HECW1: variants seen among roughly 807,000 people sequenced by gnomAD.
The protein encoded by HECW1 is E3 ubiquitin-protein ligase HECW1.
A neutral mutation model predicts 182.3 loss-of-function variants in HECW1; 61 were observed. The ratio of observed to expected loss-of-function variants is 0.33; its 90% confidence interval spans 0.27 to 0.41. The LOEUF is 0.41. HECW1 is among the 10% of genes least tolerant of loss of function. The pLI, the probability that HECW1 is intolerant of heterozygous loss-of-function variation, is 1.00. For synonymous variants in HECW1, 859 were observed against 832.6 expected, an observed-to-expected ratio of 1.03 and a Z score of -0.55; for missense variants, 1,739 against 2,108.9, an observed-to-expected ratio of 0.82 and a Z score of 3.44.
chr7:43,235,517 C>T (rs1280047232), intron 2 of HECW1, among the ~76,000 whole-genome samples: 1 of 152,130 alleles, frequency 6.6e-6, no homozygotes, highest in Non-Finnish European at 1.5e-5. Context: ...ACATGGACTA[C>T]CAAGCAGCCA....
intron 5 of HECW1, among the ~76,000 whole-genome samples, chr7:43,355,331 G>T (rs944767989): frequency 3.3e-5 from 5 of 152,118 alleles, no homozygotes; most frequent in African/African-American, 9.7e-5. Context: ...ATCTCTAGTA[G>T]GAAGCCCAAA....
chr7:43,335,819 A>G (rs1156935830), intron 5 of HECW1, among the ~76,000 whole-genome samples: 1 of 77,376 alleles, frequency 1.3e-5, no homozygotes, highest in Admixed American at 1.6e-4. Flanking sequence ...CCTTTTCTTC[A>G]TTTTTCCTCT....
At chr7:43,401,671 G>A (rs1472407014) in intron 7 of HECW1, among the ~76,000 whole-genome samples, 1 of 144,294 alleles carries the variant, frequency 6.9e-6, no homozygotes, top group Non-Finnish European at 1.5e-5. Context: ...TCTCAGACTT[G>A]TCTTCTGAGA....
chr7:43,513,284 C>A (rs1172422160), intron 24 of HECW1, among the ~76,000 whole-genome samples: 2 of 152,218 alleles, frequency 1.3e-5, no homozygotes, highest in African/African-American at 4.8e-5. Flanking sequence ...TCTTTACACT[C>A]TGGGACTCTG....
At chr7:43,362,255 A>G (rs1393337812) in intron 6 of HECW1, among the ~76,000 whole-genome samples, 2 of 152,208 alleles carry the variant, frequency 1.3e-5, no homozygotes, top group Non-Finnish European at 2.9e-5. Context: ...GTTCTGCAGC[A>G]TCCTGAAGAT....
chr7:43,316,564 C>G (rs1220614439), intron 4 of HECW1, among the ~76,000 whole-genome samples: 1 of 151,974 alleles, frequency 6.6e-6, no homozygotes, highest in Non-Finnish European at 1.5e-5. Flanking sequence ...AAATAAACTG[C>G]CTAAGATCAC....
At chr7:43,425,230 C>CAT (rs920185184) in intron 8 of HECW1, among the ~76,000 whole-genome samples, 5 of 151,696 alleles carry the variant, frequency 3.3e-5, no homozygotes, top group African/African-American at 1.2e-4. Flanking sequence ...GACACTCACA[C>CAT]ACACACACAC....
At chr7:43,168,604 A>G (rs1337054215) in intron 2 of HECW1, among the ~76,000 whole-genome samples, 1 of 152,088 alleles carries the variant, frequency 6.6e-6, no homozygotes, top group African/African-American at 2.4e-5. Flanking sequence ...AGGCTGCAGT[A>G]AGCTGTGATT....
Position 43,565,671 on chromosome 7 carries a change from C to G in HECW1, c.*3745C>G, listed in dbSNP as rs1353441553. On this transcript the variant is annotated 3_prime_UTR_variant, in exon 30 of 30. Coordinates refer to ENST00000395891, the MANE Select transcript of HECW1 (RefSeq NM_015052.5). ...AAAAATCTGGGATGGATGTTCCAGC[C>G]ATCATAAGGTCCAAAAGAAAAGAGA... is the stretch of plus-strand genomic sequence containing the variant. 5.5e-6 allele frequency: 1 copy of G among 180,306 alleles called. No individual in the cohort carries two copies. The highest frequency in any genetic ancestry group is 6.4e-5 in the Admixed American group (1 of 15,628). 11.2% of individuals were successfully genotyped at this position (180,306 alleles called of 1,614,324 possible).
At chr7:43,329,142 G>T (rs560226254) in intron 5 of HECW1, among the ~76,000 whole-genome samples, 1 of 143,280 alleles carries the variant, frequency 7.0e-6, no homozygotes, top group Non-Finnish European at 1.6e-5. Context: ...CAGGAACTCG[G>T]CCAGTTGGGA....
intron 6 of HECW1, among the ~76,000 whole-genome samples, chr7:43,371,655 G>A (rs2074108670): frequency 6.6e-6 from 1 of 152,004 alleles, no homozygotes; most frequent in African/African-American, 2.4e-5. Context: ...AAGCTATTTG[G>A]GATATATAGA....
At chr7:43,425,307 T>TAGATAGAC (rs2076326597) in intron 8 of HECW1, among the ~76,000 whole-genome samples, 1 of 137,248 alleles carries the variant, frequency 7.3e-6, no homozygotes, top group Non-Finnish European at 1.6e-5. Context: ...AGATAGATGA[T>TAGATAGAC]AGATAGATAG....
At chr7:43,205,178 G>A (rs1229991893) in intron 2 of HECW1, among the ~76,000 whole-genome samples, 1 of 151,844 alleles carries the variant, frequency 6.6e-6, no homozygotes, top group East Asian at 1.9e-4. Context: ...TCACCTCTTG[G>A]GTTCAAGAGA....
rs138433807 is a variant in HECW1 at position 43,178,737 on chromosome 7, C to T, written c.-32+64346C>T. Among the ~76,000 whole-genome samples, 15 of 152,308 alleles carry T rather than the reference C, an allele frequency of 9.8e-5. No individual in the cohort carries two copies. In the East Asian group the frequency reaches 2.7e-3, roughly 27 times the overall value. On this transcript the variant is annotated intron_variant, in intron 2 of 29. Coordinates refer to ENST00000395891, the MANE Select transcript of HECW1 (RefSeq NM_015052.5). ...CAAGGTGCCACAGCTAGAGGTTGGG[C>T]AGCAAGGGGGACTGTATGCTTTGAA...
intron 24 of HECW1, among the ~76,000 whole-genome samples, chr7:43,532,562 A>G (rs79250198): frequency 0.053 from 7,999 of 151,912 alleles, 528 homozygotes; most frequent in African/African-American, 0.15. Context: ...CTCTCTCTGG[A>G]GTCCACCCCC....
chr7:43,387,852 G>A (rs781316423), intron 6 of HECW1, among the ~76,000 whole-genome samples: 1 of 152,120 alleles, frequency 6.6e-6, no homozygotes, highest in Non-Finnish European at 1.5e-5. Flanking sequence ...TATAAAGTAA[G>A]GAATCAGATA....
Position 43,564,853 on chromosome 7 carries a change from A to G in HECW1, c.*2927A>G, listed in dbSNP as rs1425262901. The G allele has an allele frequency of 1.6e-5, 3 of 184,038 alleles. No homozygotes were observed. The highest frequency in any genetic ancestry group is 3.5e-5 in the Non-Finnish European group (3 of 86,762). 11.4% of individuals were successfully genotyped at this position (184,038 alleles called of 1,614,324 possible). ...CACCTTAAATTATATAGTTCGGCAG[A>G]AAGACAGATCTATTTGTTACCACCT... On this transcript the variant is annotated 3_prime_UTR_variant, in exon 30 of 30. Transcript: ENST00000395891.
intron 3 of HECW1, among the ~76,000 whole-genome samples, chr7:43,296,009 A>T (rs1029619675): frequency 2.6e-5 from 4 of 152,196 alleles, no homozygotes; most frequent in Admixed American, 2.6e-4. Flanking sequence ...AATGGAGAAA[A>T]ATTAAAGAAA....
chr7:43,395,143 A>G (rs993330975), intron 6 of HECW1, among the ~76,000 whole-genome samples: 20 of 152,150 alleles, frequency 1.3e-4, no homozygotes, highest in African/African-American at 4.8e-4. Flanking sequence ...AGAATCTTGT[A>G]GCCTCCAGCT....
Sources: gnomAD v4.1 joint callset for allele counts (sites outside exome capture counted in the v4.1 genomes callset) on GRCh38, gnomAD v4.1.1 for gene constraint, MANE v1.5 for transcripts, NCBI Gene and HGNC (gene_info 2026-07-23, HGNC 2026-07-21) for gene names.